Variants in BCR observed in about 807,000 individuals in gnomAD.
The protein encoded by BCR is BCR activator of RhoGEF and GTPase.
Under a neutral mutation model 138.6 loss-of-function variants are expected in BCR, and 58 were observed. The observed-to-expected ratio is 0.42, with a 90% CI of 0.34 to 0.52. The LOEUF (loss-of-function observed/expected upper bound fraction) is 0.52. Among genes scored for constraint, BCR ranks in the 20% least tolerant of loss-of-function variants. The probability of loss-of-function intolerance (pLI) is 0.06; values close to 1 mark genes in which losing one functional copy is unlikely to be tolerated. For missense variants in BCR, 1,599 were observed against 1,727.2 expected (o/e 0.93, Z 1.32); for synonymous variants, 786 against 730.1 (o/e 1.08, Z -1.23).
chr22:23,268,330 G>A (rs567432816), intron 4 of BCR, 78 bp from the exon 5 acceptor site: 30 of 1,227,848 alleles, frequency 2.4e-5, no homozygotes, highest in South Asian at 5.4e-5. Flanking sequence ...CTGCAGAGCT[G>A]TGCACGGGAG....
intron 1 of BCR, among the ~76,000 whole-genome samples, chr22:23,207,569 G>A (rs1469553024): frequency 6.6e-6 from 1 of 152,204 alleles, no homozygotes; most frequent in African/African-American, 2.4e-5. Flanking sequence ...GCTACATTGA[G>A]CTGTGATTGC....
intron 1 of BCR, among the ~76,000 whole-genome samples, chr22:23,183,510 C>T (rs957634347): frequency 6.6e-6 from 1 of 152,212 alleles, no homozygotes; most frequent in Non-Finnish European, 1.5e-5. Context: ...CGGCTCCGAC[C>T]TGCCGTCTGG....
chr22:23,184,568 C>T (rs1390094992), intron 1 of BCR, among the ~76,000 whole-genome samples: 1 of 152,136 alleles, frequency 6.6e-6, no homozygotes, highest in East Asian at 1.9e-4. Flanking sequence ...CCCACAGCCT[C>T]CCCAGTTAAC....
intron 4 of BCR, chr22:23,263,510 G>C: frequency 1.3e-6 from 2 of 1,573,678 alleles, no homozygotes; most frequent in Non-Finnish European, 1.7e-6. Flanking sequence ...ATGATGCTTT[G>C]TACATATCCC....
At chr22:23,276,042 G>A (rs564205125) in intron 8 of BCR, among the ~76,000 whole-genome samples, 71 of 152,262 alleles carry the variant, frequency 4.7e-4, no homozygotes, top group African/African-American at 1.6e-3. Context: ...CCCCATGGGG[G>A]CCAACTTCCA....
intron 1 of BCR, among the ~76,000 whole-genome samples, chr22:23,224,553 G>A (rs773051474): frequency 9.9e-5 from 15 of 152,166 alleles, no homozygotes; most frequent in Admixed American, 1.3e-4. Flanking sequence ...GCCCAGAGAC[G>A]CTGGCCTCCT....
chr22:23,287,663 A>G (rs1261361807), intron 11 of BCR, among the ~76,000 whole-genome samples: 1 of 152,192 alleles, frequency 6.6e-6, no homozygotes, highest in African/African-American at 2.4e-5. Flanking sequence ...CTGTCAATAC[A>G]TGTCTGTCAA....
chr22:23,274,638 G>T (rs949112324), intron 8 of BCR, among the ~76,000 whole-genome samples: 2 of 152,110 alleles, frequency 1.3e-5, no homozygotes, highest in East Asian at 1.9e-4. Context: ...GGCTGGGTGC[G>T]GTGGCTCACG....
At chr22:23,198,241 G>C (rs1337568508) in intron 1 of BCR, 3 of 439,552 alleles carry the variant, frequency 6.8e-6, no homozygotes, top group Non-Finnish European at 1.3e-5. Flanking sequence ...TGGGGATTCA[G>C]GATTAGGGTC....
At chr22:23,283,825 A>G (rs1440657863) in intron 8 of BCR, 152 bp from the exon 9 acceptor site, 4 of 996,358 alleles carry the variant, frequency 4.0e-6, no homozygotes, top group Admixed American at 6.2e-5. Context: ...CGTTCTGGAA[A>G]GTGGGTGTGA....
At chr22:23,230,633 A>G (rs971079434) in intron 1 of BCR, among the ~76,000 whole-genome samples, 2 of 152,238 alleles carry the variant, frequency 1.3e-5, no homozygotes, top group African/African-American at 4.8e-5. Flanking sequence ...AGACCCTTCT[A>G]TCAAATTCCA....
chr22:23,246,663 A>G (rs1479157215), intron 1 of BCR, among the ~76,000 whole-genome samples: 1 of 152,144 alleles, frequency 6.6e-6, no homozygotes, highest in Non-Finnish European at 1.5e-5. Flanking sequence ...GAAAAATAGC[A>G]ATCTAAAAGT....
intron 2 of BCR, among the ~76,000 whole-genome samples, chr22:23,257,529 C>A (rs2073307910): frequency 6.6e-6 from 1 of 152,260 alleles, no homozygotes; most frequent in Non-Finnish European, 1.5e-5. Context: ...GCACGGCTGG[C>A]AGGCTGGGTG....
intron 1 of BCR, among the ~76,000 whole-genome samples, chr22:23,245,725 G>A (rs547475414): frequency 6.3e-4 from 95 of 151,994 alleles, no homozygotes; most frequent in Middle Eastern, 3.4e-3. Context: ...ATGTCCATCC[G>A]GAAGGATACT....
At chr22:23,215,861 A>G (rs2072745872) in intron 1 of BCR, among the ~76,000 whole-genome samples, 2 of 152,166 alleles carry the variant, frequency 1.3e-5, no homozygotes, top group Non-Finnish European at 2.9e-5. Flanking sequence ...TGTACAAGGG[A>G]TAGGGGACCA....
Position 23,181,334 on chromosome 22 carries a change from A to T in BCR, c.374A>T (p.Lys125Met), listed in dbSNP as rs775349285. ...CCCGACGGCGAGGGTTCTCCGGGTA[A>T]GGCCAGGCCCGGGACCGCCCGCAGG... Reference protein sequence around the residue: ...ARPDGEGSPGKARPGTARRPG... With the variant: ...ARPDGEGSPGMARPGTARRPG... The change falls in exon 1 of 23, where the codon AAG becomes ATG. Residue 125 changes from lysine to methionine, a missense_variant. Physicochemically the swap from Lys to Met is moderately conservative, Grantham distance 95. This residue lies in a region of BCR where 806 missense variants were observed against 635.0 expected (regional missense o/e 1.27). Transcript: ENST00000305877. 1.4e-6 allele frequency: 2 copies of T among 1,433,212 alleles called. No homozygotes were observed. The highest frequency in any genetic ancestry group is 3.0e-5 in the African/African-American group (2 of 67,132). 88.8% of individuals were successfully genotyped at this position (1,433,212 alleles called of 1,614,324 possible).
At chr22:23,241,316 C>T (rs887846587) in intron 1 of BCR, among the ~76,000 whole-genome samples, 1 of 152,192 alleles carries the variant, frequency 6.6e-6, no homozygotes, top group Non-Finnish European at 1.5e-5. Context: ...AGGGGGAAGT[C>T]CCTCTTCCTG....
At chr22:23,230,728 A>G (rs1459008296) in intron 1 of BCR, among the ~76,000 whole-genome samples, 2 of 152,204 alleles carry the variant, frequency 1.3e-5, no homozygotes, top group East Asian at 3.9e-4. Context: ...CCAGGGAGAG[A>G]AAGCCTTCAG....
At chr22:23,255,567 C>T (rs1242285057) in intron 2 of BCR, among the ~76,000 whole-genome samples, 1 of 152,210 alleles carries the variant, frequency 6.6e-6, no homozygotes, top group East Asian at 1.9e-4. Flanking sequence ...AAGGCAATTT[C>T]TTTCCATCAT....
Sources: allele counts gnomAD v4.1 joint callset (sites outside exome capture counted in the v4.1 genomes callset), GRCh38; gene constraint gnomAD v4.1.1; regional missense constraint gnomAD v4.1.1; transcripts MANE v1.5; gene names NCBI Gene and HGNC (gene_info 2026-07-23, HGNC 2026-07-21).